SCHIP1: variants seen among roughly 807,000 people sequenced by gnomAD.
SCHIP1 encodes the protein schwannomin-interacting protein 1.
A neutral mutation model predicts 29.7 loss-of-function variants in SCHIP1; 8 were observed. That is an observed-to-expected ratio of 0.27 (90% CI 0.16 to 0.49). The LOEUF (loss-of-function observed/expected upper bound fraction) is 0.49, where lower values mean the gene tolerates loss of function less well. Among genes scored for constraint, SCHIP1 ranks in the 20% least tolerant of loss-of-function variants. SCHIP1 has a pLI of 0.99. For missense variants in SCHIP1, 193 were observed against 294.6 expected (o/e 0.66, Z 2.52); for synonymous variants, 76 against 94.9 (o/e 0.80, Z 1.16).
the SCHIP1 span, among the ~76,000 whole-genome samples, chr3:159,324,531 T>A: frequency 6.6e-6 from 1 of 152,158 alleles, no homozygotes; most frequent in South Asian, 2.1e-4. Flanking sequence ...TATTCATGTC[T>A]CTGTTATTAG....
chr3:159,417,743 A>G, the SCHIP1 span, among the ~76,000 whole-genome samples: 1 of 152,216 alleles, frequency 6.6e-6, no homozygotes, highest in African/African-American at 2.4e-5. Flanking sequence ...GAGCTCAGCC[A>G]CGTCAAATGC....
At chr3:159,666,044 T>C in the SCHIP1 span, among the ~76,000 whole-genome samples, 1 of 152,164 alleles carries the variant, frequency 6.6e-6, no homozygotes, top group Non-Finnish European at 1.5e-5. Flanking sequence ...GGAATACGTT[T>C]ACCTGGGAAA....
In SCHIP1 at chr3:159,866,235, A is replaced by ATT; in HGVS notation, c.105_106dup (p.Tyr36PhefsTer21). 6.2e-7 allele frequency: 1 copy of ATT among 1,613,686 alleles called. No homozygotes were observed. Among genetic ancestry groups the ATT allele is most frequent in the Non-Finnish European group, 8.5e-7 (1 of 1,179,682 alleles). ...AAGCTTCTTTGATGATGGCCCAGGA[A>ATT]TTTATACCAGCTGTAGCAAAAGTGG... is the stretch of plus-strand genomic sequence containing the variant. On this transcript the variant is annotated frameshift_variant, in exon 2 of 7. Coordinates refer to ENST00000445224, the Ensembl canonical transcript of SCHIP1. LOFTEE classifies it high-confidence loss of function.
At chr3:159,461,156 T>C in the SCHIP1 span, among the ~76,000 whole-genome samples, 3 of 152,280 alleles carry the variant, frequency 2.0e-5, no homozygotes, top group Non-Finnish European at 2.9e-5. Context: ...AGTTGATTCT[T>C]GGTTAACAAG....
the SCHIP1 span, among the ~76,000 whole-genome samples, chr3:159,384,910 A>G: frequency 0.62 from 94,915 of 151,958 alleles, 30,354 homozygotes; most frequent in East Asian, 0.75. Flanking sequence ...GGTGTTTGTA[A>G]TATTCTCTGA....
the SCHIP1 span, among the ~76,000 whole-genome samples, chr3:159,619,307 C>G: frequency 3.9e-5 from 6 of 152,176 alleles, no homozygotes; most frequent in African/African-American, 9.7e-5. Flanking sequence ...AAAGAGAAAT[C>G]TTCAGTGTCA....
At chr3:159,784,000 G>A in the SCHIP1 span, among the ~76,000 whole-genome samples, 1 of 152,198 alleles carries the variant, frequency 6.6e-6, no homozygotes, top group Non-Finnish European at 1.5e-5. Flanking sequence ...AAACCCTTCT[G>A]TGCTTTGCAG....
At chr3:159,758,215 C>T in the SCHIP1 span, among the ~76,000 whole-genome samples, 4 of 152,166 alleles carry the variant, frequency 2.6e-5, no homozygotes, top group African/African-American at 9.6e-5. Context: ...TGCAGTGGCG[C>T]AATCTTGGCT....
chr3:159,717,572 C>G, the SCHIP1 span, among the ~76,000 whole-genome samples: 1 of 152,146 alleles, frequency 6.6e-6, no homozygotes, highest in South Asian at 2.1e-4. Flanking sequence ...CACAGAAATA[C>G]AAACTACCAT....
At chr3:159,556,997 G>T in the SCHIP1 span, among the ~76,000 whole-genome samples, 1 of 150,110 alleles carries the variant, frequency 6.7e-6, no homozygotes, top group Non-Finnish European at 1.5e-5. Flanking sequence ...TTGCTCTGCC[G>T]CCCAGACTAG....
the SCHIP1 span, among the ~76,000 whole-genome samples, chr3:159,413,894 A>G: frequency 9.2e-5 from 14 of 152,350 alleles, no homozygotes; most frequent in Non-Finnish European, 1.6e-4. Flanking sequence ...ATGCAAATCA[A>G]AAGTTTAAAC....
the SCHIP1 span, among the ~76,000 whole-genome samples, chr3:159,295,768 T>C: frequency 1.7e-3 from 259 of 152,356 alleles, no homozygotes; most frequent in African/African-American, 5.9e-3. Context: ...TGTTTTCTTC[T>C]AGACTGTAAA....
the SCHIP1 span, among the ~76,000 whole-genome samples, chr3:159,361,836 T>C: frequency 6.6e-6 from 1 of 152,206 alleles, no homozygotes; most frequent in African/African-American, 2.4e-5. Flanking sequence ...GCATTTATTT[T>C]TGGCCCAAAG....
chr3:159,318,656 A>G, the SCHIP1 span, among the ~76,000 whole-genome samples: 1 of 152,142 alleles, frequency 6.6e-6, no homozygotes, highest in East Asian at 1.9e-4. Flanking sequence ...GCAGGCTGGG[A>G]AAGAGAAGGC....
chr3:159,678,918 T>TAG, the SCHIP1 span, among the ~76,000 whole-genome samples: 1 of 152,152 alleles, frequency 6.6e-6, no homozygotes, highest in African/African-American at 2.4e-5. Context: ...ATAGAGAATA[T>TAG]CGCCCTTTGA....
the SCHIP1 span, among the ~76,000 whole-genome samples, chr3:159,421,005 G>A: frequency 5.9e-5 from 9 of 152,150 alleles, no homozygotes; most frequent in East Asian, 1.9e-4. Flanking sequence ...TGAAAGTTTC[G>A]AAAACCTCAT....
the SCHIP1 span, among the ~76,000 whole-genome samples, chr3:159,725,003 T>A: frequency 6.6e-6 from 1 of 152,218 alleles, no homozygotes; most frequent in African/African-American, 2.4e-5. Flanking sequence ...CATCTTGTTT[T>A]CATCAGTTAT....
chr3:159,407,547 T>A, the SCHIP1 span, among the ~76,000 whole-genome samples: 2 of 152,272 alleles, frequency 1.3e-5, no homozygotes, highest in East Asian at 3.9e-4. Flanking sequence ...CAATAGATAT[T>A]TACAGAACAT....
At chr3:159,339,882 T>G in the SCHIP1 span, among the ~76,000 whole-genome samples, 1 of 152,140 alleles carries the variant, frequency 6.6e-6, no homozygotes, top group Non-Finnish European at 1.5e-5. Flanking sequence ...ACTCAAAATT[T>G]AATGTGTTGC....
Sources: allele counts gnomAD v4.1 joint callset (sites outside exome capture counted in the v4.1 genomes callset), GRCh38; gene constraint gnomAD v4.1.1; transcripts MANE v1.5; gene names NCBI Gene and HGNC (gene_info 2026-07-23, HGNC 2026-07-21).